Variants in SPAG16 observed in about 807,000 individuals in gnomAD.
SPAG16 encodes sperm-associated antigen 16 protein.
In SPAG16, 86 loss-of-function variants were observed where a neutral mutation model predicts 80.4. That is an observed-to-expected ratio of 1.07 (90% CI 0.90 to 1.28). The LOEUF is 1.28. Ranked by LOEUF, SPAG16 falls within the 50% of genes most tolerant of loss-of-function variation. SPAG16 has a pLI of 0.00. For missense variants in SPAG16, 870 were observed against 765.3 expected (o/e 1.14, Z -1.61); for synonymous variants, 294 against 265.9 (o/e 1.11, Z -1.03).
intron 15 of SPAG16, among the ~76,000 whole-genome samples, chr2:214,329,340 A>C (rs1696723687): frequency 6.6e-6 from 1 of 152,232 alleles, no homozygotes; most frequent in Non-Finnish European, 1.5e-5. Context: ...ACTTGTCTTC[A>C]TTAGCTTCCC....
chr2:213,577,296 A>G (rs2124823022), intron 10 of SPAG16, among the ~76,000 whole-genome samples: 1 of 152,262 alleles, frequency 6.6e-6, no homozygotes, highest in Non-Finnish European at 1.5e-5. Flanking sequence ...CTTGAACATT[A>G]TTATCTACTT....
chr2:214,092,934 C>T (rs890698602), intron 13 of SPAG16, among the ~76,000 whole-genome samples: 11 of 152,094 alleles, frequency 7.2e-5, no homozygotes, highest in Non-Finnish European at 1.2e-4. Flanking sequence ...CTTTTTATGG[C>T]AGCAGCTAAA....
At chr2:213,908,105 G>A (rs187727556) in intron 11 of SPAG16, among the ~76,000 whole-genome samples, 12 of 152,190 alleles carry the variant, frequency 7.9e-5, no homozygotes, top group Non-Finnish European at 1.2e-4. Flanking sequence ...ATATATTGCA[G>A]TATCACTCTG....
At position 213,284,490 on chromosome 2, in the gene SPAG16, G is replaced by A; in HGVS notation, c.7G>A (p.Ala3Thr). The change falls in exon 1 of 16, where the codon GCT (alanine) becomes ACT (threonine). Residue 3 changes from alanine (A) to threonine (T), a missense_variant. By Grantham distance (58) the Ala-to-Thr change is moderately conservative. Transcript: ENST00000331683. Reference protein sequence around the residue: MAAQRGMPSSAVR... With the variant: MATQRGMPSSAVR... ...GGGGCCCGAAGCGCCAGAGATGGCT[G>A]CTCAGCGAGGGATGCCCAGCTCCGC... 2 of 1,568,426 alleles carry A rather than the reference G, an allele frequency of 1.3e-6. No homozygotes were observed. Among genetic ancestry groups the A allele is most frequent in the Non-Finnish European group, 1.7e-6 (2 of 1,157,126 alleles).
chr2:214,227,618 T>C (rs1688360196), intron 15 of SPAG16, among the ~76,000 whole-genome samples: 1 of 151,794 alleles, frequency 6.6e-6, no homozygotes, highest in South Asian at 2.1e-4. Flanking sequence ...CTGCCATAGA[T>C]GGAAGCCATT....
chr2:213,446,352 G>A (rs911067785), intron 9 of SPAG16, among the ~76,000 whole-genome samples: 2 of 152,148 alleles, frequency 1.3e-5, no homozygotes, highest in African/African-American at 2.4e-5. Flanking sequence ...ATAGTAAAAT[G>A]ATTGAAGAGT....
At position 213,493,321 on chromosome 2, in the gene SPAG16, GT is replaced by G. The variant is rs1318587813; in HGVS notation, c.1070+3236del. Among the ~76,000 whole-genome samples the G allele has an allele frequency of 1.3e-5, 2 of 152,118 alleles. 1 individual carries two copies. Among genetic ancestry groups the G allele is most frequent in the East Asian group, 3.8e-4 (2 of 5,196 alleles). On this transcript the variant is annotated intron_variant, in intron 10 of 15. Coordinates refer to ENST00000331683, the MANE Select transcript of SPAG16 (RefSeq NM_024532.5). ...ATTTATCAAAATGTGTTTTTATAATGTTTTTCTAACAAGGTCATAATAAAAT... is the reference window on the plus strand; with the variant it reads ...ATTTATCAAAATGTGTTTTTATAATGTTTTCTAACAAGGTCATAATAAAAT...
intron 10 of SPAG16, among the ~76,000 whole-genome samples, chr2:213,522,144 T>G (rs1261851072): frequency 2.0e-5 from 3 of 152,216 alleles, no homozygotes; most frequent in Non-Finnish European, 2.9e-5. Context: ...AATGGCATAT[T>G]TGACAGAAAA....
intron 15 of SPAG16, among the ~76,000 whole-genome samples, chr2:214,173,531 G>A (rs2056959401): frequency 6.6e-6 from 1 of 151,716 alleles, no homozygotes; most frequent in Admixed American, 6.6e-5. Context: ...TCAGGAAGAA[G>A]TTGAATCTCT....
chr2:214,054,910 T>C (rs1290328011), intron 13 of SPAG16, among the ~76,000 whole-genome samples: 2 of 152,200 alleles, frequency 1.3e-5, no homozygotes, highest in Non-Finnish European at 1.5e-5. Context: ...TTTGTCCCAA[T>C]CTGGAGATTT....
At chr2:213,460,168 A>G (rs79677965) in intron 9 of SPAG16, among the ~76,000 whole-genome samples, 2 of 152,066 alleles carry the variant, frequency 1.3e-5, no homozygotes, top group East Asian at 3.9e-4. Context: ...TTTCACTTGC[A>G]TTTACATTTT....
At position 213,501,292 on chromosome 2, in the gene SPAG16, T is replaced by C. The variant is rs370788635; in HGVS notation, c.1070+11202T>C. Among the ~76,000 whole-genome samples, 37 of 152,352 alleles carry C rather than the reference T, an allele frequency of 2.4e-4. 3 individuals carry two copies. In the South Asian group the frequency reaches 7.5e-3, roughly 31 times the overall value. ...AGCCTAACAAATTGTTGATATTAGG[T>C]ATCATTTTCCTTGCTTTAGTAATAA... On this transcript the variant is annotated intron_variant, in intron 10 of 15. Transcript: ENST00000331683.
chr2:214,083,759 G>A (rs1435755747), intron 13 of SPAG16, among the ~76,000 whole-genome samples: 6 of 152,210 alleles, frequency 3.9e-5, no homozygotes, highest in South Asian at 2.1e-4. Flanking sequence ...TGAGGCTGAC[G>A]TTTGGTATAT....
intron 10 of SPAG16, among the ~76,000 whole-genome samples, chr2:213,706,610 T>C (rs1181659988): frequency 6.6e-6 from 1 of 152,254 alleles, no homozygotes; most frequent in Non-Finnish European, 1.5e-5. Context: ...TGTAGTCAGA[T>C]TTTTCTGAAA....
intron 10 of SPAG16, among the ~76,000 whole-genome samples, chr2:213,611,140 G>C (rs372167559): frequency 6.6e-6 from 1 of 152,072 alleles, no homozygotes; most frequent in Non-Finnish European, 1.5e-5. Context: ...AGGGGTTGGG[G>C]GTAGTCATGC....
At chr2:213,454,666 C>T (rs890527433) in intron 9 of SPAG16, among the ~76,000 whole-genome samples, 1 of 152,172 alleles carries the variant, frequency 6.6e-6, no homozygotes, top group Non-Finnish European at 1.5e-5. Flanking sequence ...ACTTTCTAAG[C>T]AGCCTGAGGT....
At chr2:213,484,350 GA>G (rs2125707020) in intron 9 of SPAG16, among the ~76,000 whole-genome samples, 1 of 152,256 alleles carries the variant, frequency 6.6e-6, no homozygotes, top group African/African-American at 2.4e-5. Context: ...ATATGAGTAA[GA>G]AAGACTTTTC....
intron 10 of SPAG16, among the ~76,000 whole-genome samples, chr2:213,701,577 G>C (rs560720801): frequency 1.3e-5 from 2 of 152,098 alleles, no homozygotes; most frequent in Non-Finnish European, 2.9e-5. Flanking sequence ...TGTGGCGCCT[G>C]GTCCCATCGA....
chr2:213,989,990 C>T (rs2046199759), intron 12 of SPAG16, among the ~76,000 whole-genome samples: 1 of 152,036 alleles, frequency 6.6e-6, no homozygotes, highest in Non-Finnish European at 1.5e-5. Context: ...ATCATATTTG[C>T]ATTGATTTCA....
Sources: gnomAD v4.1 joint callset for allele counts (sites outside exome capture counted in the v4.1 genomes callset) on GRCh38, gnomAD v4.1.1 for gene constraint, MANE v1.5 for transcripts, NCBI Gene and HGNC (gene_info 2026-07-23, HGNC 2026-07-21) for gene names.